Variants in ZCCHC7 observed in about 807,000 individuals in gnomAD.
ZCCHC7 encodes zinc finger CCHC domain-containing protein 7.
ZCCHC7 carries 35 observed loss-of-function variants against 52.0 expected under a neutral mutation model. The observed-to-expected ratio is 0.67, with a 90% CI of 0.51 to 0.89. The LOEUF is 0.89. Ranked by LOEUF, ZCCHC7 falls within the 40% of genes least tolerant of loss-of-function variation. ZCCHC7 has a pLI of 0.00. For missense variants in ZCCHC7, 574 were observed against 649.1 expected, an observed-to-expected ratio of 0.88 and a Z score of 1.26; for synonymous variants, 217 against 221.5, an observed-to-expected ratio of 0.98 and a Z score of 0.18.
At chr9:37,350,312 A>G (rs1309412841) in intron 7 of ZCCHC7, among the ~76,000 whole-genome samples, 1 of 151,528 alleles carries the variant, frequency 6.6e-6, no homozygotes, top group East Asian at 1.9e-4. Flanking sequence ...GTATTTTTTT[A>G]GTAGAAATGA....
At chr9:37,143,360 G>A (rs75228062) in intron 2 of ZCCHC7, among the ~76,000 whole-genome samples, 7,691 of 151,694 alleles carry the variant, frequency 0.051, 635 homozygotes, top group African/African-American at 0.17. Flanking sequence ...ATTGTGTTGC[G>A]TGGAAACTGT....
chr9:37,177,345 T>A, intron 2 of ZCCHC7, among the ~76,000 whole-genome samples: 1 of 151,682 alleles, frequency 6.6e-6, no homozygotes, highest in East Asian at 1.9e-4. Flanking sequence ...AATAAATAAA[T>A]AAATAAATAA....
chr9:37,178,183 G>C (rs1822150605), intron 2 of ZCCHC7, among the ~76,000 whole-genome samples: 1 of 152,076 alleles, frequency 6.6e-6, no homozygotes, highest in Non-Finnish European at 1.5e-5. Flanking sequence ...ATGAGTATAT[G>C]ATTTCTAGCT....
At chr9:37,274,312 A>T (rs1827576461) in intron 2 of ZCCHC7, among the ~76,000 whole-genome samples, 1 of 151,028 alleles carries the variant, frequency 6.6e-6, no homozygotes, top group Non-Finnish European at 1.5e-5. Context: ...AATTTTATGA[A>T]AATTACCATA....
At chr9:37,269,613 T>G in intron 2 of ZCCHC7, among the ~76,000 whole-genome samples, 1 of 92,158 alleles carries the variant, frequency 1.1e-5, no homozygotes, top group Non-Finnish European at 2.1e-5. Context: ...AGTGAGACTC[T>G]GTCTCAAAAA....
chr9:37,246,337 T>C (rs1002342594), intron 2 of ZCCHC7, among the ~76,000 whole-genome samples: 1 of 152,070 alleles, frequency 6.6e-6, no homozygotes, highest in Non-Finnish European at 1.5e-5. Context: ...ATATATAGAT[T>C]AGGAAGGTAA....
intron 2 of ZCCHC7, among the ~76,000 whole-genome samples, chr9:37,222,481 C>T (rs1824878498): frequency 6.6e-6 from 1 of 151,642 alleles, no homozygotes; most frequent in Non-Finnish European, 1.5e-5. Context: ...AGTTACATTT[C>T]TGCTCCATAC....
At chr9:37,315,831 C>G (rs966957885) in intron 5 of ZCCHC7, among the ~76,000 whole-genome samples, 1 of 109,048 alleles carries the variant, frequency 9.2e-6, no homozygotes, top group African/African-American at 3.5e-5. Context: ...GAACTTTTAC[C>G]TATAGGTAAA....
chr9:37,225,424 A>G (rs1035230043), intron 2 of ZCCHC7, among the ~76,000 whole-genome samples: 1 of 152,204 alleles, frequency 6.6e-6, no homozygotes, highest in African/African-American at 2.4e-5. Flanking sequence ...TATATAAGGT[A>G]ACACTTCCAA....
chr9:37,238,529 G>GT (rs532218388), intron 2 of ZCCHC7, among the ~76,000 whole-genome samples: 8 of 151,840 alleles, frequency 5.3e-5, no homozygotes, highest in African/African-American at 1.5e-4. Flanking sequence ...TAGTAAATAA[G>GT]TTTTTTTTGT....
At chr9:37,335,489 G>C (rs959019548) in intron 6 of ZCCHC7, among the ~76,000 whole-genome samples, 1 of 152,110 alleles carries the variant, frequency 6.6e-6, no homozygotes, top group Non-Finnish European at 1.5e-5. Flanking sequence ...ATGCCTTGTA[G>C]GATTTTGTTA....
intron 5 of ZCCHC7, among the ~76,000 whole-genome samples, chr9:37,317,640 T>C (rs546915109): frequency 1.0e-3 from 157 of 152,282 alleles, no homozygotes; most frequent in African/African-American, 3.6e-3. Flanking sequence ...AAAGGTTATT[T>C]GTTTCAATAA....
At chr9:37,274,843 A>G (rs1285253070) in intron 2 of ZCCHC7, among the ~76,000 whole-genome samples, 3 of 150,436 alleles carry the variant, frequency 2.0e-5, no homozygotes, top group South Asian at 2.1e-4. Flanking sequence ...TTTTTTTTAT[A>G]TAGTGAGAGA....
chr9:37,128,405 G>A (rs1842630044), intron 2 of ZCCHC7, among the ~76,000 whole-genome samples: 1 of 152,152 alleles, frequency 6.6e-6, no homozygotes, highest in Admixed American at 6.5e-5. Flanking sequence ...ATGTGGAAGG[G>A]ATGTTTAAGT....
chr9:37,242,756 A>C (rs1825926584), intron 2 of ZCCHC7, among the ~76,000 whole-genome samples: 1 of 151,826 alleles, frequency 6.6e-6, no homozygotes, highest in South Asian at 2.1e-4. Flanking sequence ...TGTGTATTTT[A>C]TATTTACATT....
chr9:37,173,608 G>A (rs1181127682), intron 2 of ZCCHC7, among the ~76,000 whole-genome samples: 1 of 152,030 alleles, frequency 6.6e-6, no homozygotes, highest in African/African-American at 2.4e-5. Flanking sequence ...TTTACAGCAC[G>A]TTTGTTTTTT....
rs545866520 is a variant in ZCCHC7 at position 37,344,130 on chromosome 9, TAG to T, written c.988-5226_988-5225del. On this transcript the variant is annotated intron_variant, in intron 6 of 8. Coordinates refer to ENST00000336755, the MANE Select transcript of ZCCHC7 (RefSeq NM_032226.3). The stretch of plus-strand genomic sequence containing the variant: ...GAGTTCGAGACCAGCCTCAGCAGCA[TAG>T]CAAGACCCCCATCTCCTAAAAACCT... Among the ~76,000 whole-genome samples the T allele has an allele frequency of 6.6e-5, 10 of 152,296 alleles. No individual in the cohort carries two copies. In the South Asian group the frequency reaches 2.1e-3, roughly 32 times the overall value.
chr9:37,231,914 A>G (rs1022787095), intron 2 of ZCCHC7, among the ~76,000 whole-genome samples: 7 of 152,208 alleles, frequency 4.6e-5, no homozygotes, highest in Admixed American at 1.3e-4. Flanking sequence ...TGTTATTCTT[A>G]GGATCTTTTC....
At chr9:37,248,505 G>C (rs1252542069) in intron 2 of ZCCHC7, among the ~76,000 whole-genome samples, 1 of 152,150 alleles carries the variant, frequency 6.6e-6, no homozygotes, top group Non-Finnish European at 1.5e-5. Flanking sequence ...AGTTAATCCA[G>C]ATTTCCTACC....
Sources: gnomAD v4.1 joint callset for allele counts (sites outside exome capture counted in the v4.1 genomes callset) on GRCh38, gnomAD v4.1.1 for gene constraint, MANE v1.5 for transcripts, NCBI Gene and HGNC (gene_info 2026-07-23, HGNC 2026-07-21) for gene names.